The following TLR4 variants were observed in gnomAD, a reference collection of about 807,000 sequenced individuals.
TLR4 encodes toll-like receptor 4.
In TLR4, 17 loss-of-function variants were observed where a neutral mutation model predicts 27.4. The observed-to-expected ratio is 0.62, with a 90% confidence interval of 0.42 to 0.93. The LOEUF (loss-of-function observed/expected upper bound fraction) is 0.93. Among genes scored for constraint, TLR4 ranks in the 40% least tolerant of loss-of-function variants. TLR4 has a pLI of 0.00. For synonymous variants in TLR4, 363 were observed against 365.7 expected, an observed-to-expected ratio of 0.99 and a Z score of 0.08; for missense variants, 926 against 962.3, an observed-to-expected ratio of 0.96 and a Z score of 0.50.
chr9:117,712,527 T>C lies in TLR4; in HGVS notation c.399T>C (p.Ala133=), dbSNP rs1420111973. ...SGLSSLQKLV[A]VETNLASLEN... ...TATCAAGTTTACAGAAGCTGGTGGC[T>C]GTGGAGACAAATCTAGCATCTCTAG... is the stretch of plus-strand genomic sequence containing the variant. Residue 133 remains alanine, a synonymous_variant, in exon 3 of 3, where the codon GCT becomes GCC. Coordinates refer to ENST00000355622, the MANE Select transcript of TLR4 (RefSeq NM_138554.5). 1 of 1,613,904 alleles carries C rather than the reference T, an allele frequency of 6.2e-7. No homozygotes were observed. Among genetic ancestry groups the C allele is most frequent in the Non-Finnish European group, 8.5e-7 (1 of 1,179,968 alleles).
rs1002716921 is a variant in TLR4, at chr9:117,719,901, C to G, written c.*5253C>G. 25 of 152,168 alleles carry G rather than the reference C, an allele frequency of 1.6e-4. No individual in the cohort carries two copies. Among genetic ancestry groups the G allele is most frequent in the Admixed American group, 9.2e-4 (14 of 15,278 alleles). 9.4% of individuals were successfully genotyped at this position (152,168 alleles called of 1,614,324 possible). A position where few individuals can be genotyped will look rare whatever the true frequency, so the allele number is the denominator to read the frequency against. Reference sequence around the variant, plus strand: ...ACCATGCGTGATCATCTGATCGTTACTGCTACCTTGTGAGTTAAAGGCTAC... The same window carrying G: ...ACCATGCGTGATCATCTGATCGTTAGTGCTACCTTGTGAGTTAAAGGCTAC... On this transcript the variant is annotated 3_prime_UTR_variant, in exon 3 of 3. Coordinates refer to ENST00000355622, the MANE Select transcript of TLR4 (RefSeq NM_138554.5).
chr9:117,709,019 C>T (rs1829185349), intron 2 of TLR4: 1 of 375,542 alleles, frequency 2.7e-6, no homozygotes. Flanking sequence ...CTTTCATAAG[C>T]AGCTATTTAT....
Position 117,712,417 on chromosome 9 carries a change from G to A in TLR4, c.289G>A (p.Ala97Thr), listed in dbSNP as rs1185243184. ...RCEIQTIEDG[A>T]YQSLSHLSTL... is the part of the protein sequence containing the mutation. Reference sequence around the variant, plus strand: ...TGAAATCCAGACAATTGAAGATGGGGCATATCAGAGCCTAAGCCACCTCTC... The same window carrying A: ...TGAAATCCAGACAATTGAAGATGGGACATATCAGAGCCTAAGCCACCTCTC... Residue 97 changes from alanine to threonine, a missense_variant, in exon 3 of 3, where the codon GCA becomes ACA. Coordinates refer to ENST00000355622, the MANE Select transcript of TLR4 (RefSeq NM_138554.5). 1 of 1,613,706 alleles carries A rather than the reference G, an allele frequency of 6.2e-7. No homozygotes were observed. The highest frequency in any genetic ancestry group is 8.5e-7 in the Non-Finnish European group (1 of 1,179,876).
At position 117,708,871 on chromosome 9, in the gene TLR4, T is replaced by C. The variant is rs1009414105; in HGVS notation, c.260+142T>C. On this transcript the variant is annotated intron_variant, in intron 2 of 2. Coordinates refer to ENST00000355622, the MANE Select transcript of TLR4 (RefSeq NM_138554.5). ...TACAACAGATGTCTTATTAACTATATAACCTTGAGCAAGCTACCTCTATTC... is the reference window on the plus strand; with the variant it reads ...TACAACAGATGTCTTATTAACTATACAACCTTGAGCAAGCTACCTCTATTC... The C allele has an allele frequency of 5.5e-6, 6 of 1,095,300 alleles. No individual in the cohort carries two copies. In the African/African-American group the frequency reaches 6.2e-5, roughly 11 times the overall value. 67.8% of individuals were successfully genotyped at this position (1,095,300 alleles called of 1,614,324 possible).
At chr9:117,708,915 A>C in intron 2 of TLR4, 186 bp downstream of exon 2, 1 of 701,352 alleles carries the variant, frequency 1.4e-6, no homozygotes, top group Non-Finnish European at 2.3e-6. Context: ...TCAGTTTTCT[A>C]ATCTGTGAAG....
At chr9:117,709,593 A>G (rs906242275) in intron 2 of TLR4, among the ~76,000 whole-genome samples, 2 of 152,176 alleles carry the variant, frequency 1.3e-5, no homozygotes, top group Admixed American at 1.3e-4. Flanking sequence ...TTATTTGCAA[A>G]TCGAACTAGA....
In TLR4 at chr9:117,719,969, C is replaced by T. The variant is rs1301949978; in HGVS notation, c.*5321C>T. 5.9e-5 allele frequency: 9 copies of T among 152,258 alleles called. No individual in the cohort carries two copies. The highest frequency in any genetic ancestry group is 4.6e-4 in the Admixed American group (7 of 15,288). 9.4% of individuals were successfully genotyped at this position (152,258 alleles called of 1,614,324 possible). On this transcript the variant is annotated 3_prime_UTR_variant, in exon 3 of 3. Coordinates refer to ENST00000355622, the MANE Select transcript of TLR4 (RefSeq NM_138554.5). Reference sequence around the variant, plus strand: ...TGAGAAAAGAGATGCCCAGAGAGGACGAGTAACTTGCCTTAGGTCACACAG... The same window carrying T: ...TGAGAAAAGAGATGCCCAGAGAGGATGAGTAACTTGCCTTAGGTCACACAG...
rs571914546 is a variant in TLR4 at position 117,714,079 on chromosome 9, G to T, written c.1951G>T (p.Val651Phe). The T allele has an allele frequency of 3.4e-5, 55 of 1,613,982 alleles. No homozygotes were observed. The East Asian group carries it at 9.8e-4, about 29-fold the overall frequency. ...TGTAGTATCTGTTGTAGCAGTTCTGGTCTATAAGTTCTATTTTCACCTGAT... is the reference window on the plus strand; with the variant it reads ...TGTAGTATCTGTTGTAGCAGTTCTGTTCTATAAGTTCTATTTTCACCTGAT... ...VLVVSVVAVL[V>F]YKFYFHLMLL... is the part of the protein sequence containing the mutation. The change falls in exon 3 of 3, where the codon GTC (valine) becomes TTC (phenylalanine). Residue 651 changes from valine to phenylalanine, a missense_variant. Val to Phe is a conservative substitution (Grantham distance 50). Coordinates refer to ENST00000355622, the MANE Select transcript of TLR4 (RefSeq NM_138554.5).
In TLR4 at chr9:117,714,813, T is replaced by A. The variant is rs1829315267; in HGVS notation, c.*165T>A. ...GCTGCTAATCTCAAGGAGCTTCCAGTGCAGAGGGAATAAATGCTAGACTAA... is the reference window on the plus strand; with the variant it reads ...GCTGCTAATCTCAAGGAGCTTCCAGAGCAGAGGGAATAAATGCTAGACTAA... On this transcript the variant is annotated 3_prime_UTR_variant, in exon 3 of 3. Coordinates refer to ENST00000355622, the MANE Select transcript of TLR4 (RefSeq NM_138554.5). The A allele has an allele frequency of 1.9e-5, 13 of 684,996 alleles. No individual in the cohort carries two copies. The South Asian group carries it at 2.0e-4, about 10-fold the overall frequency. 42.4% of individuals were successfully genotyped at this position (684,996 alleles called of 1,614,324 possible). A position where few individuals can be genotyped will look rare whatever the true frequency, so the allele number is the denominator to read the frequency against.
intron 2 of TLR4, among the ~76,000 whole-genome samples, chr9:117,710,451 C>CT (rs879344711): frequency 6.5e-4 from 95 of 145,116 alleles, no homozygotes; most frequent in African/African-American, 8.9e-4. Flanking sequence ...CCACCTCTCC[C>CT]TTTTTTTTTT....
chr9:117,708,773 T>C (rs1829181211), intron 2 of TLR4, 44 bp downstream of exon 2: 1 of 1,611,668 alleles, frequency 6.2e-7, no homozygotes, highest in Admixed American at 1.7e-5. Context: ...GAGGTGTTCA[T>C]TGTCCTGTCA....
Position 117,720,431 on chromosome 9 carries a change from C to G in TLR4, c.*5783C>G, listed in dbSNP as rs1001216111. 1 of 152,282 alleles carries G rather than the reference C, an allele frequency of 6.6e-6. No individual in the cohort carries two copies. The highest frequency in any genetic ancestry group is 2.1e-4 in the South Asian group (1 of 4,828). 9.4% of individuals were successfully genotyped at this position (152,282 alleles called of 1,614,324 possible). Reference sequence around the variant, plus strand: ...GAAATAAAGATGATCCCTCCTGTGACAGTGCTAAGTGACAATTCTGAGTGT... The same window carrying G: ...GAAATAAAGATGATCCCTCCTGTGAGAGTGCTAAGTGACAATTCTGAGTGT... On this transcript the variant is annotated 3_prime_UTR_variant, in exon 3 of 3. Coordinates refer to ENST00000355622, the MANE Select transcript of TLR4 (RefSeq NM_138554.5).
rs1030003726 is a variant in TLR4, at chr9:117,718,809, T to C, written c.*4161T>C. 17 of 152,136 alleles carry C rather than the reference T, an allele frequency of 1.1e-4. No homozygotes were observed. Among genetic ancestry groups the C allele is most frequent in the African/African-American group, 4.1e-4 (17 of 41,424 alleles). 9.4% of individuals were successfully genotyped at this position (152,136 alleles called of 1,614,324 possible). Reference sequence around the variant, plus strand: ...CACTAGGAGAAGCACTGGGAGGTCTTCTCAGTAACAACACTAAAGTAATTG... The same window carrying C: ...CACTAGGAGAAGCACTGGGAGGTCTCCTCAGTAACAACACTAAAGTAATTG... On this transcript the variant is annotated 3_prime_UTR_variant, in exon 3 of 3. Coordinates refer to ENST00000355622, the MANE Select transcript of TLR4 (RefSeq NM_138554.5).
At chr9:117,712,292 C>A in intron 2 of TLR4, 97 bp from the exon 3 acceptor site, 3 of 1,215,068 alleles carry the variant, frequency 2.5e-6, no homozygotes, top group Non-Finnish European at 3.6e-6. Flanking sequence ...TGACCCATCA[C>A]ATCTGTATGA....
rs1197221949 is a variant in TLR4, at chr9:117,719,413, A to T, written c.*4765A>T. The T allele has an allele frequency of 1.3e-5, 2 of 152,188 alleles. No individual in the cohort carries two copies. The highest frequency in any genetic ancestry group is 2.1e-4 in the South Asian group (1 of 4,824). The allele number at this position is 152,188 out of a possible 1,614,324, so 9.4% of individuals were successfully genotyped here. On this transcript the variant is annotated 3_prime_UTR_variant, in exon 3 of 3. Coordinates refer to ENST00000355622, the MANE Select transcript of TLR4 (RefSeq NM_138554.5). Reference sequence around the variant, plus strand: ...TTCACCGCAGAAGCAGGGCTTCTAAATACTGTTCTATGGCAAGAGCACCCT... The same window carrying T: ...TTCACCGCAGAAGCAGGGCTTCTAATTACTGTTCTATGGCAAGAGCACCCT...
chr9:117,709,373 A>AC (rs1217878322), intron 2 of TLR4, among the ~76,000 whole-genome samples: 5 of 152,148 alleles, frequency 3.3e-5, no homozygotes, highest in Non-Finnish European at 7.4e-5. Context: ...GAATATTAAA[A>AC]CTAGTGTACA....
rs1829389431 is a variant in TLR4 at position 117,718,818 on chromosome 9, C to G, written c.*4170C>G. ...AAGCACTGGGAGGTCTTCTCAGTAA[C>G]AACACTAAAGTAATTGCTATTTTTC... On this transcript the variant is annotated 3_prime_UTR_variant, in exon 3 of 3. Transcript: ENST00000355622. 6.6e-6 allele frequency: 1 copy of G among 152,140 alleles called. No individual in the cohort carries two copies. Among genetic ancestry groups the G allele is most frequent in the African/African-American group, 2.4e-5 (1 of 41,430 alleles). The allele number at this position is 152,140 out of a possible 1,614,324, so 9.4% of individuals were successfully genotyped here.
At chr9:117,708,080 G>T in intron 1 of TLR4, 1 of 520,432 alleles carries the variant, frequency 1.9e-6, no homozygotes, top group Non-Finnish European at 2.5e-6. Context: ...CAATTTTAGT[G>T]TATGTGCTAC....
rs146859162 is a variant in TLR4 at position 117,713,993 on chromosome 9, G to A, written c.1865G>A (p.Ser622Asn). The A allele has an allele frequency of 1.3e-4, 204 of 1,613,858 alleles. No homozygotes were observed. Among genetic ancestry groups the A allele is most frequent in the Non-Finnish European group, 1.7e-4 (200 of 1,179,986 alleles). Residue 622 changes from serine (S) to asparagine (N), a missense_variant, in exon 3 of 3, where the codon AGT becomes AAT. Transcript: ENST00000355622. The part of the protein sequence containing the change: ...PSDKQGMPVL[S>N]LNITCQMNKT... ...GATAAGCAGGGCATGCCTGTGCTGAGTTTGAATATCACCTGTCAGATGAAT... is the reference window on the plus strand; with the variant it reads ...GATAAGCAGGGCATGCCTGTGCTGAATTTGAATATCACCTGTCAGATGAAT...
Sources: allele counts gnomAD v4.1 joint callset (sites outside exome capture counted in the v4.1 genomes callset), GRCh38; gene constraint gnomAD v4.1.1; transcripts MANE v1.5; gene names NCBI Gene and HGNC (gene_info 2026-07-23, HGNC 2026-07-21).